Variants in SEPTIN14 observed in about 807,000 individuals in gnomAD.
The protein encoded by SEPTIN14 is septin 14, also known as septin-14.
SEPTIN14 carries 40 observed loss-of-function variants against 53.6 expected under a neutral mutation model. The observed-to-expected ratio is 0.75, with a 90% CI of 0.58 to 0.97. The LOEUF is 0.97. Ranked by LOEUF, SEPTIN14 falls within the 50% of genes least tolerant of loss-of-function variation. The pLI is 0.00. For synonymous variants in SEPTIN14, 138 were observed against 166.8 expected, an observed-to-expected ratio of 0.83 and a Z score of 1.33; for missense variants, 471 against 508.2, an observed-to-expected ratio of 0.93 and a Z score of 0.70.
intron 4 of SEPTIN14, among the ~76,000 whole-genome samples, chr7:55,843,851 C>A (rs937333715): frequency 3.9e-5 from 6 of 151,914 alleles, no homozygotes; most frequent in Admixed American, 2.0e-4. Context: ...CAAAAAATAA[C>A]AGGCCAAGTA....
At chr7:55,833,923 C>T (rs890139508) in intron 6 of SEPTIN14, among the ~76,000 whole-genome samples, 5 of 151,944 alleles carry the variant, frequency 3.3e-5, no homozygotes, top group Non-Finnish European at 7.4e-5. Flanking sequence ...CAATTATACA[C>T]CAACCAACTT....
At chr7:55,815,375 A>G (rs1788774294) in intron 7 of SEPTIN14, among the ~76,000 whole-genome samples, 1 of 152,224 alleles carries the variant, frequency 6.6e-6, no homozygotes, top group Non-Finnish European at 1.5e-5. Context: ...TATTTATCTG[A>G]CAAAAGATTA....
chr7:55,857,582 CTTTTTTTTT>C (rs1162739964), intron 2 of SEPTIN14, among the ~76,000 whole-genome samples: 2 of 21,580 alleles, frequency 9.3e-5, no homozygotes, highest in Non-Finnish European at 1.6e-4. Context: ...GAGCCTGTGT[CTTTTTTTTT>C]TTTTTTTTTT....
chr7:55,809,262 G>A (rs1788657110), intron 7 of SEPTIN14, among the ~76,000 whole-genome samples: 1 of 151,338 alleles, frequency 6.6e-6, no homozygotes, highest in Non-Finnish European at 1.5e-5. Context: ...GCCTCCTTGA[G>A]GGTGGAGGGT....
rs113712600 is a variant in SEPTIN14 at position 55,859,255 on chromosome 7, T to C, written c.54+2688A>G. 4.5e-3 allele frequency among the ~76,000 whole-genome samples: 693 copies of C among 152,324 alleles called. 4 individuals are homozygous for C. Among genetic ancestry groups the C allele is most frequent in the Middle Eastern group, 0.017 (5 of 294 alleles). On this transcript the variant is annotated intron_variant, in intron 2 of 9. Coordinates refer to ENST00000388975, the MANE Select transcript of SEPTIN14 (RefSeq NM_207366.3). ...TCAGGTCTTACTTTTAGGTCTTTTA[T>C]CTATTTTGAGTTGGTTTTTTGGTAT... is the stretch of plus-strand genomic sequence containing the variant.
At chr7:55,811,139 T>C in intron 7 of SEPTIN14, 1 of 484,816 alleles carries the variant, frequency 2.1e-6, no homozygotes, top group South Asian at 1.7e-5. Flanking sequence ...CCAGGTCAGC[T>C]GTTGCTGCCT....
intron 2 of SEPTIN14, among the ~76,000 whole-genome samples, chr7:55,853,179 T>C (rs1025627258): frequency 6.6e-6 from 1 of 152,182 alleles, no homozygotes; most frequent in African/African-American, 2.4e-5. Flanking sequence ...CACTGCTAGG[T>C]ATATACCCAA....
intron 6 of SEPTIN14, among the ~76,000 whole-genome samples, chr7:55,819,583 C>T (rs112554270): frequency 0.038 from 5,749 of 152,008 alleles, 167 homozygotes; most frequent in Non-Finnish European, 0.056. Flanking sequence ...AGCAAGACTC[C>T]GCCACACACA....
At chr7:55,800,950 T>C (rs1368904342) in intron 9 of SEPTIN14, among the ~76,000 whole-genome samples, 1 of 152,098 alleles carries the variant, frequency 6.6e-6, no homozygotes, top group African/African-American at 2.4e-5. Flanking sequence ...ACCCCATAAA[T>C]ATGTATACCT....
At chr7:55,845,821 G>A (rs557063069) in intron 3 of SEPTIN14, among the ~76,000 whole-genome samples, 92 of 150,852 alleles carry the variant, frequency 6.1e-4, no homozygotes, top group South Asian at 5.5e-3. Context: ...AGGCTGAGGC[G>A]GGCGGATCAC....
chr7:55,812,673 A>T (rs574595027), intron 7 of SEPTIN14, among the ~76,000 whole-genome samples: 12 of 152,294 alleles, frequency 7.9e-5, no homozygotes, highest in African/African-American at 2.9e-4. Context: ...GCAAGAAAAC[A>T]CCTTCATAAG....
At chr7:55,831,075 T>C (rs184617923) in intron 6 of SEPTIN14, among the ~76,000 whole-genome samples, 52 of 152,126 alleles carry the variant, frequency 3.4e-4, no homozygotes, top group African/African-American at 1.2e-3. Flanking sequence ...CTAAATATCA[T>C]ATGGAACCAA....
intron 2 of SEPTIN14, among the ~76,000 whole-genome samples, chr7:55,857,045 G>A (rs1789641911): frequency 6.6e-6 from 1 of 151,676 alleles, no homozygotes; most frequent in Middle Eastern, 3.2e-3. Flanking sequence ...ACTCCCGCCT[G>A]GGTGACAGAG....
intron 9 of SEPTIN14, among the ~76,000 whole-genome samples, chr7:55,803,104 ATT>A (rs1788550504): frequency 6.6e-6 from 1 of 151,962 alleles, no homozygotes; most frequent in Non-Finnish European, 1.5e-5. Context: ...CATCTGGCTA[ATT>A]TTTGTATTTT....
At position 55,807,186 on chromosome 7, in the gene SEPTIN14, T is replaced by C; in HGVS notation, c.890A>G (p.Lys297Arg). Reference protein sequence around the residue: ...MLLCTNMENLKEKTHTQHYEC... With the variant: ...MLLCTNMENLREKTHTQHYEC... ...ATAGTGCTGAGTGTGGGTTTTTTCTTTTAGATTTTCCATATTGGTACAAAG... is the reference window on the plus strand; with the variant it reads ...ATAGTGCTGAGTGTGGGTTTTTTCTCTTAGATTTTCCATATTGGTACAAAG... Residue 297 changes from lysine to arginine, a missense_variant, in exon 8 of 10, where the codon AAA becomes AGA. Coordinates refer to ENST00000388975, the MANE Select transcript of SEPTIN14 (RefSeq NM_207366.3). The C allele has an allele frequency of 6.2e-7, 1 of 1,610,486 alleles. No homozygotes were observed. The highest frequency in any genetic ancestry group is 1.3e-5 in the African/African-American group (1 of 74,836).
intron 9 of SEPTIN14, among the ~76,000 whole-genome samples, chr7:55,797,604 C>A (rs962024655): frequency 6.6e-6 from 1 of 152,106 alleles, no homozygotes; most frequent in African/African-American, 2.4e-5. Context: ...CCTCGACAAA[C>A]AAAGCTGAGG....
At chr7:55,811,496 CTTTT>C (rs1170803437) in intron 7 of SEPTIN14, 2,392 of 179,750 alleles carry the variant, frequency 0.013, no homozygotes, top group South Asian at 0.023. Context: ...TTTTACAGTT[CTTTT>C]TTTTTTTTTT....
rs1788965368 is a variant in SEPTIN14 at position 55,825,389 on chromosome 7, TG to T, written c.721-6167del. ...CAAGTACAGGTGATATTTAGGGCAG[TG>T]AAACTATGGTGAATGTTACTGCAGT... is the stretch of plus-strand genomic sequence containing the variant. On this transcript the variant is annotated intron_variant, in intron 6 of 9. Transcript: ENST00000388975. 2.0e-5 allele frequency among the ~76,000 whole-genome samples: 3 copies of T among 152,296 alleles called. No individual in the cohort carries two copies. In the South Asian group the frequency reaches 6.2e-4, roughly 32 times the overall value.
chr7:55,821,647 T>A (rs1359974395), intron 6 of SEPTIN14, among the ~76,000 whole-genome samples: 2 of 152,044 alleles, frequency 1.3e-5, no homozygotes, highest in South Asian at 2.1e-4. Context: ...CCAGGGTTAA[T>A]CCCTCCTTAC....
Sources: gnomAD v4.1 joint callset for allele counts (sites outside exome capture counted in the v4.1 genomes callset) on GRCh38, gnomAD v4.1.1 for gene constraint, MANE v1.5 for transcripts, NCBI Gene and HGNC (gene_info 2026-07-23, HGNC 2026-07-21) for gene names.